ZNF732: variants seen among roughly 807,000 people sequenced by gnomAD.
ZNF732 encodes zinc finger protein 732, also known as zinc finger protein LOC654254.
A neutral mutation model predicts 11.5 loss-of-function variants in ZNF732; 12 were observed. The ratio of observed to expected loss-of-function variants is 1.05; its 90% CI spans 0.67 to 1.70. The LOEUF is 1.70. Ranked by LOEUF, ZNF732 falls within the 40% of genes most tolerant of loss-of-function variation. ZNF732 has a pLI of 0.00. For synonymous variants in ZNF732, 231 were observed against 236.5 expected, an observed-to-expected ratio of 0.98 and a Z score of 0.21; for missense variants, 702 against 676.9, an observed-to-expected ratio of 1.04 and a Z score of -0.41.
At chr4:284,870 C>CAAAAAA (rs1163209652) in intron 3 of ZNF732, among the ~76,000 whole-genome samples, 102 of 54,364 alleles carry the variant, frequency 1.9e-3, no homozygotes, top group Non-Finnish European at 2.2e-3. Flanking sequence ...GACTCTGTCT[C>CAAAAAA]AAAAAAAAAA....
At chr4:299,149 C>A (rs797022925) in intron 1 of ZNF732, among the ~76,000 whole-genome samples, 1 of 151,810 alleles carries the variant, frequency 6.6e-6, no homozygotes, top group Non-Finnish European at 1.5e-5. Context: ...TTAGGGGTTA[C>A]AGTAAGCAGA....
intron 3 of ZNF732, among the ~76,000 whole-genome samples, chr4:273,571 AAAC>A (rs1401894365): frequency 1.3e-5 from 2 of 151,978 alleles, no homozygotes; most frequent in African/African-American, 4.8e-5. Flanking sequence ...AAAACATTAA[AAAC>A]AAAAAACAAA....
In ZNF732 at chr4:282,267, T is replaced by G. The variant is rs544213121; in HGVS notation, c.227-9637A>C. Among the ~76,000 whole-genome samples the G allele has an allele frequency of 2.5e-3, 380 of 152,316 alleles. 3 individuals are homozygous for G. The highest frequency in any genetic ancestry group is 4.2e-3 in the Non-Finnish European group (289 of 68,026). ...TTGAAAGGAGTAAAACTGTTTAATA[T>G]TTTTATACATAGAAGTTCACTTTTG... On this transcript the variant is annotated intron_variant, in intron 3 of 3. Coordinates refer to ENST00000419098, the MANE Select transcript of ZNF732 (RefSeq NM_001137608.3).
chr4:281,923 G>A (rs1184315369), intron 3 of ZNF732, among the ~76,000 whole-genome samples: 2 of 152,100 alleles, frequency 1.3e-5, no homozygotes, highest in Non-Finnish European at 2.9e-5. Flanking sequence ...ATCTCGATAA[G>A]ATGCAAAAGT....
chr4:283,169 G>A (rs1198049423), intron 3 of ZNF732, among the ~76,000 whole-genome samples: 3 of 151,974 alleles, frequency 2.0e-5, no homozygotes, highest in Non-Finnish European at 2.9e-5. Context: ...AAGTGAGCTC[G>A]TGTTGTGATG....
At chr4:290,122 A>G (rs1374537937) in intron 3 of ZNF732, among the ~76,000 whole-genome samples, 2 of 152,232 alleles carry the variant, frequency 1.3e-5, no homozygotes, top group African/African-American at 4.8e-5. Context: ...TTCCACTTAT[A>G]TAAGGTATTT....
chr4:295,396 G>C (rs1553842080), intron 3 of ZNF732, 42 bp downstream of exon 3: 1 of 1,509,582 alleles, frequency 6.6e-7, no homozygotes, highest in African/African-American at 1.4e-5. Flanking sequence ...CTGGACCTTG[G>C]TCCCCTGGCC....
Position 272,013 on chromosome 4 carries a change from C to G in ZNF732, c.844G>C (p.Glu282Gln), listed in dbSNP as rs1553837730. 6.2e-7 allele frequency: 1 copy of G among 1,609,562 alleles called. No individual in the cohort carries two copies. The change falls in exon 4 of 4, where the codon GAA becomes CAA. Residue 282 changes from glutamate (E) to glutamine (Q), a missense_variant. Glu to Gln is a conservative substitution (Grantham distance 29, BLOSUM62 2). Coordinates refer to ENST00000419098, the MANE Select transcript of ZNF732 (RefSeq NM_001137608.3). ...HAEEKPFTCE[E>Q]CGKIITSSSN... ...GATGAGGTAATGATTTTGCCACATTCTTCACATGTGAAGGGTTTCTCTTCA... is the reference window on the plus strand; with the variant it reads ...GATGAGGTAATGATTTTGCCACATTGTTCACATGTGAAGGGTTTCTCTTCA...
intron 1 of ZNF732, among the ~76,000 whole-genome samples, chr4:302,056 T>C (rs1238989518): frequency 6.6e-6 from 1 of 152,180 alleles, no homozygotes; most frequent in Non-Finnish European, 1.5e-5. Context: ...AGAAATCCAG[T>C]ATAACTGTTA....
chr4:284,054 G>T lies in ZNF732; in HGVS notation c.226+11384C>A, dbSNP rs569584782. ...GCCTCCTGAGTAGCTGGGACTACAG[G>T]CACCCGCCACCACGCCCGGCTAATT... On this transcript the variant is annotated intron_variant, in intron 3 of 3. Transcript: ENST00000419098. Among the ~76,000 whole-genome samples, 17 of 152,062 alleles carry T rather than the reference G, an allele frequency of 1.1e-4. No homozygotes were observed. The South Asian group carries it at 3.6e-3, about 32-fold the overall frequency.
chr4:300,513 G>A (rs376161685), intron 1 of ZNF732, among the ~76,000 whole-genome samples: 4 of 148,472 alleles, frequency 2.7e-5, no homozygotes, highest in Admixed American at 1.3e-4. Flanking sequence ...TGTGGCAATA[G>A]CACACAATTA....
At position 294,998 on chromosome 4, in the gene ZNF732, G is replaced by A. The variant is rs118058299; in HGVS notation, c.226+440C>T. ...TTAAAAATCACTAAGCAGAAAAGACGCAACATCTGTCCCTGATGTTCTTGG... is the reference window on the plus strand; with the variant it reads ...TTAAAAATCACTAAGCAGAAAAGACACAACATCTGTCCCTGATGTTCTTGG... On this transcript the variant is annotated intron_variant, in intron 3 of 3. Coordinates refer to ENST00000419098, the MANE Select transcript of ZNF732 (RefSeq NM_001137608.3). Among the ~76,000 whole-genome samples, 7 of 152,110 alleles carry A rather than the reference G, an allele frequency of 4.6e-5. No individual in the cohort carries two copies. The East Asian group carries it at 9.7e-4, about 21-fold the overall frequency.
At chr4:300,454 CAAAAAAAA>C (rs559629684) in intron 1 of ZNF732, among the ~76,000 whole-genome samples, 100 of 58,646 alleles carry the variant, frequency 1.7e-3, no homozygotes, top group African/African-American at 5.0e-3. Flanking sequence ...GACTCTGTCT[CAAAAAAAA>C]AAAAAAAAAA....
intron 1 of ZNF732, among the ~76,000 whole-genome samples, chr4:303,020 A>G (rs1027858676): frequency 6.6e-6 from 1 of 152,138 alleles, no homozygotes; most frequent in East Asian, 1.9e-4. Context: ...CTCCCAGCAC[A>G]TCCAAGAATG....
At chr4:298,814 G>A (rs782512587) in intron 1 of ZNF732, among the ~76,000 whole-genome samples, 13 of 152,168 alleles carry the variant, frequency 8.5e-5, no homozygotes, top group Admixed American at 1.3e-4. Flanking sequence ...AAGAGTTTAC[G>A]GGGAGGCATT....
chr4:300,328 T>C (rs1373173085), intron 1 of ZNF732, among the ~76,000 whole-genome samples: 2 of 150,476 alleles, frequency 1.3e-5, no homozygotes, highest in Non-Finnish European at 1.5e-5. Context: ...CCAGGCATGG[T>C]GGTGGGTGCC....
intron 3 of ZNF732, among the ~76,000 whole-genome samples, chr4:281,353 AT>A (rs1553839769): frequency 2.0e-5 from 3 of 152,252 alleles, no homozygotes; most frequent in African/African-American, 7.2e-5. Context: ...ATCAAGGGTC[AT>A]TACTGCTCAT....
intron 1 of ZNF732, among the ~76,000 whole-genome samples, chr4:297,607 T>TAAAAAAAAAAAAAAAAAAAA (rs57681246): frequency 9.9e-6 from 1 of 101,016 alleles, no homozygotes. Context: ...TTAAGATTTG[T>TAAAAAAAAAAAAAAAAAAAA]AAAAAAAAAA....
rs1017932893 is a variant in ZNF732 at position 271,272 on chromosome 4, G to T, written c.1585C>A (p.Pro529Thr). ...KHKKIHTGEK[P>T]YRCEECGKAF... Reference sequence around the variant, plus strand: ...TTGCCACACTCTTCACATCTATAAGGTTTCTCTCCAGTATGAATTTTCTTA... The same window carrying T: ...TTGCCACACTCTTCACATCTATAAGTTTTCTCTCCAGTATGAATTTTCTTA... The change falls in exon 4 of 4, where the codon CCT (proline) becomes ACT (threonine). Residue 529 changes from proline to threonine, a missense_variant. This residue lies in a region of ZNF732 where 94 missense variants were observed against 87.5 expected (regional missense o/e 1.07). Transcript: ENST00000419098. The T allele has an allele frequency of 6.3e-7, 1 of 1,580,384 alleles. No homozygotes were observed. The highest frequency in any genetic ancestry group is 8.6e-7 in the Non-Finnish European group (1 of 1,162,316).
Sources: gnomAD v4.1 joint callset for allele counts (sites outside exome capture counted in the v4.1 genomes callset) on GRCh38, gnomAD v4.1.1 for gene constraint, gnomAD v4.1.1 regional missense constraint, MANE v1.5 for transcripts, NCBI Gene and HGNC (gene_info 2026-07-23, HGNC 2026-07-21) for gene names.